DLGAP2: variants seen among roughly 807,000 people sequenced by gnomAD.
DLGAP2 encodes DLG associated protein 2.
Under a neutral mutation model 100.3 loss-of-function variants are expected in DLGAP2, and 26 were observed. The observed-to-expected ratio is 0.26, with a 90% CI of 0.19 to 0.36. The LOEUF (loss-of-function observed/expected upper bound fraction) is 0.36, where lower values mean the gene tolerates loss of function less well. Ranked by LOEUF, DLGAP2 falls within the 10% of genes least tolerant of loss-of-function variation. DLGAP2 has a pLI of 1.00. For missense variants in DLGAP2, 1,858 were observed against 1,453.2 expected (o/e 1.28, Z -4.53); for synonymous variants, 886 against 630.1 (o/e 1.41, Z -6.08).
chr8:928,042 G>T (rs1405229651), intron 2 of DLGAP2, among the ~76,000 whole-genome samples: 3 of 152,170 alleles, frequency 2.0e-5, no homozygotes, highest in African/African-American at 7.2e-5. Flanking sequence ...CGGGAGAACG[G>T]GACCAGAGTT....
intron 1 of DLGAP2, among the ~76,000 whole-genome samples, chr8:841,847 C>T (rs1471931700): frequency 6.6e-6 from 1 of 152,186 alleles, no homozygotes; most frequent in Non-Finnish European, 1.5e-5. Context: ...TATTTCATAT[C>T]ACATTTGTGT....
At chr8:1,645,379 C>G (rs1038297638) in intron 8 of DLGAP2, among the ~76,000 whole-genome samples, 5 of 152,184 alleles carry the variant, frequency 3.3e-5, no homozygotes, top group Non-Finnish European at 7.3e-5. Context: ...TGGCCAACTG[C>G]AGGCCAGTGT....
intron 2 of DLGAP2, among the ~76,000 whole-genome samples, chr8:909,255 A>T (rs1056976861): frequency 6.6e-6 from 1 of 152,232 alleles, no homozygotes; most frequent in Non-Finnish European, 1.5e-5. Flanking sequence ...GTAAAAATGT[A>T]TGAAAAAGTC....
At chr8:964,887 G>A (rs1052950729) in intron 2 of DLGAP2, among the ~76,000 whole-genome samples, 2 of 152,124 alleles carry the variant, frequency 1.3e-5, no homozygotes, top group African/African-American at 2.4e-5. Context: ...GCTCCGGGGG[G>A]TACTGCCTTC....
At position 1,502,642 on chromosome 8, in the gene DLGAP2, G is replaced by C. The variant is rs1487595913; in HGVS notation, c.172+1211G>C. ...ATCATGTTTGAATAATTATGCATCT[G>C]TTTTTTTAAACCTCAGTCTGGCAAT... On this transcript the variant is annotated intron_variant, in intron 4 of 14. Coordinates refer to ENST00000637795, the MANE Select transcript of DLGAP2 (RefSeq NM_001346810.2). Among the ~76,000 whole-genome samples the C allele has an allele frequency of 4.6e-5, 7 of 152,156 alleles. No homozygotes were observed. The East Asian group carries it at 1.2e-3, about 25-fold the overall frequency.
chr8:1,488,585 G>T (rs1431459075), intron 3 of DLGAP2, among the ~76,000 whole-genome samples: 1 of 152,168 alleles, frequency 6.6e-6, no homozygotes, highest in African/African-American at 2.4e-5. Flanking sequence ...AGGCCAAGAG[G>T]TGAGCAGTAA....
At chr8:847,328 T>C (rs1258120284) in intron 1 of DLGAP2, among the ~76,000 whole-genome samples, 1 of 152,318 alleles carries the variant, frequency 6.6e-6, no homozygotes, top group East Asian at 1.9e-4. Context: ...TGTTTCCCTT[T>C]TCATTGATAC....
chr8:1,330,177 G>C (rs1801116229), intron 3 of DLGAP2, among the ~76,000 whole-genome samples: 2 of 152,212 alleles, frequency 1.3e-5, no homozygotes, highest in African/African-American at 2.4e-5. Context: ...GCTGGCCGTG[G>C]TGCTGACGCC....
chr8:770,917 T>A (rs1223677459), intron 1 of DLGAP2, among the ~76,000 whole-genome samples: 5 of 151,542 alleles, frequency 3.3e-5, no homozygotes, highest in African/African-American at 1.2e-4. Flanking sequence ...ATGGAAAAAA[T>A]TTTTCACTTT....
rs188560511 is a variant in DLGAP2 at position 1,298,313 on chromosome 8, G to A, written c.106+39430G>A. On this transcript the variant is annotated intron_variant, in intron 3 of 14. Transcript: ENST00000637795. ...AACCCCCCATACACCAAATGCGTCC[G>A]CTTCCTGGTCTGTCGTCCTGCAGCC... Among the ~76,000 whole-genome samples the A allele has an allele frequency of 1.5e-3, 235 of 152,248 alleles. 1 individual carries two copies. Among genetic ancestry groups the A allele is most frequent in the African/African-American group, 5.4e-3 (225 of 41,526 alleles).
chr8:1,140,022 C>T (rs115363625), intron 2 of DLGAP2, among the ~76,000 whole-genome samples: 4,623 of 152,248 alleles, frequency 0.03, 127 homozygotes, highest in East Asian at 0.15. Context: ...GGCACATTTT[C>T]ATAACATTTC....
Position 1,524,316 on chromosome 8 carries a change from C to G in DLGAP2, c.172+22885C>G, listed in dbSNP as rs183231782. On this transcript the variant is annotated intron_variant, in intron 4 of 14. Coordinates refer to ENST00000637795, the MANE Select transcript of DLGAP2 (RefSeq NM_001346810.2). ...GTCTCTTTAGGGGACAACACAGACC[C>G]TCACCGGTGCTGACTGGGAGGAAGG... 1.8e-4 allele frequency among the ~76,000 whole-genome samples: 27 copies of G among 152,264 alleles called. No homozygotes were observed. The East Asian group carries it at 2.9e-3, about 16-fold the overall frequency.
chr8:1,154,706 C>T (rs911264425), intron 2 of DLGAP2, among the ~76,000 whole-genome samples: 7 of 152,172 alleles, frequency 4.6e-5, no homozygotes, highest in South Asian at 2.1e-4. Flanking sequence ...AGTCGAGGAC[C>T]GAGCTGCCTT....
intron 2 of DLGAP2, among the ~76,000 whole-genome samples, chr8:1,136,081 G>T (rs56287403): frequency 0.045 from 6,800 of 151,846 alleles, 277 homozygotes; most frequent in East Asian, 0.18. Flanking sequence ...AAAAATTCAC[G>T]CAAGGGATTT....
At chr8:1,118,444 A>AG (rs1795950770) in intron 2 of DLGAP2, among the ~76,000 whole-genome samples, 1 of 152,206 alleles carries the variant, frequency 6.6e-6, no homozygotes, top group Non-Finnish European at 1.5e-5. Flanking sequence ...AGAAAAGCCT[A>AG]ATTTATTTTC....
intron 3 of DLGAP2, among the ~76,000 whole-genome samples, chr8:1,385,139 C>T (rs1585322515): frequency 9.0e-6 from 1 of 111,684 alleles, no homozygotes; most frequent in Admixed American, 8.7e-5. Context: ...GGCCTGTGCC[C>T]GTCCCCTGAG....
chr8:1,358,908 G>T (rs983067977), intron 3 of DLGAP2, among the ~76,000 whole-genome samples: 2 of 150,746 alleles, frequency 1.3e-5, no homozygotes, highest in Non-Finnish European at 3.0e-5. Context: ...GGGAATTCTC[G>T]GTGCAGAGGC....
rs1255930101 is a variant in DLGAP2 at position 1,238,465 on chromosome 8, C to T, written c.74-20386C>T. Among the ~76,000 whole-genome samples the T allele has an allele frequency of 6.7e-5, 9 of 133,604 alleles. No individual in the cohort carries two copies. In the East Asian group the frequency reaches 1.9e-3, roughly 28 times the overall value. 87.6% of individuals were successfully genotyped at this position (133,604 alleles called of 152,430 possible). A position where few individuals can be genotyped will look rare whatever the true frequency, so the allele number is the denominator to read the frequency against. On this transcript the variant is annotated intron_variant, in intron 2 of 14. Transcript: ENST00000637795. ...CTCACATGGCGCCGTGTCTAGTTCT[C>T]TCACATGGCACCATGTCTGCTTCTC...
intron 3 of DLGAP2, among the ~76,000 whole-genome samples, chr8:1,376,748 C>T (rs371348039): frequency 9.9e-5 from 7 of 70,772 alleles, no homozygotes; most frequent in Non-Finnish European, 1.8e-4. Context: ...TGGTCATCGG[C>T]GGATGGCGGG....
Sources: allele counts gnomAD v4.1 joint callset (sites outside exome capture counted in the v4.1 genomes callset), GRCh38; gene constraint gnomAD v4.1.1; transcripts MANE v1.5; gene names NCBI Gene and HGNC (gene_info 2026-07-23, HGNC 2026-07-21).